The following SLC22A25 variants were observed in gnomAD, a reference collection of about 807,000 sequenced individuals.
The protein encoded by SLC22A25 is solute carrier family 22 member 25, also known as MGI:2442751, MGI:2385316, MGI:3042283, MGI:3645714, MGI:3605624, MGI:2442750.
SLC22A25 carries 44 observed loss-of-function variants against 45.9 expected under a neutral mutation model. The ratio of observed to expected loss-of-function variants is 0.96; its 90% confidence interval spans 0.75 to 1.23. The LOEUF (loss-of-function observed/expected upper bound fraction) is 1.23. SLC22A25 is among the 50% of genes most tolerant of loss of function. The pLI, the probability that SLC22A25 is intolerant of heterozygous loss-of-function variation, is 0.00. For missense variants in SLC22A25, 800 were observed against 666.4 expected (o/e 1.20, Z -2.21); for synonymous variants, 283 against 238.6 (o/e 1.19, Z -1.72).
At position 63,234,333 on chromosome 11, in the gene SLC22A25, C is replaced by T. The variant is rs570774825; in HGVS notation, c.-445+3548G>A. ...AATCTGGGTGCTCCTGTATTGGGCA[C>T]ATATATATTTAGGATAGTTAGCTCT... On this transcript the variant is annotated intron_variant, in intron 3 of 11. Transcript: ENST00000306494. Among the ~76,000 whole-genome samples the T allele has an allele frequency of 2.0e-5, 3 of 152,300 alleles. No homozygotes were observed. The South Asian group carries it at 6.2e-4, about 32-fold the overall frequency.
Position 63,163,332 on chromosome 11 carries a change from T to C in SLC22A25, c.*492A>G, listed in dbSNP as rs2087568627. On this transcript the variant is annotated 3_prime_UTR_variant, in exon 12 of 12. Coordinates refer to ENST00000306494, the MANE Select transcript of SLC22A25 (RefSeq NM_199352.6). ...TTTTCCCCTTTTCCAACGCTTTTTT[T>C]CCCCCGTGAAAATTAGATAGACTGA... Among the ~76,000 whole-genome samples the C allele has an allele frequency of 6.6e-6, 1 of 152,182 alleles. No homozygotes were observed. Among genetic ancestry groups the C allele is most frequent in the East Asian group, 1.9e-4 (1 of 5,192 alleles).
intron 7 of SLC22A25, among the ~76,000 whole-genome samples, chr11:63,187,723 A>G (rs1324778470): frequency 1.3e-5 from 2 of 152,228 alleles, no homozygotes; most frequent in Non-Finnish European, 2.9e-5. Context: ...CCTCTCATCA[A>G]TACCTAATTT....
chr11:63,220,627 T>G (rs1038945763), intron 5 of SLC22A25, among the ~76,000 whole-genome samples: 3 of 152,202 alleles, frequency 2.0e-5, no homozygotes, highest in African/African-American at 7.2e-5. Context: ...ACAATCCAAT[T>G]ATACTCTTTT....
chr11:63,195,032 A>C (rs2134763525), intron 7 of SLC22A25, among the ~76,000 whole-genome samples: 2 of 152,112 alleles, frequency 1.3e-5, no homozygotes, highest in East Asian at 3.9e-4. Flanking sequence ...TAAAGGGATC[A>C]ATGCAACAAG....
rs545073857 is a variant in SLC22A25 at position 63,179,173 on chromosome 11, T to G, written c.1070+1487A>C. ...GTTTCACCATGTTTGGCCAGGCTGGTCTTGAACTCCTGACCTCAGGTGATC... is the reference window on the plus strand; with the variant it reads ...GTTTCACCATGTTTGGCCAGGCTGGGCTTGAACTCCTGACCTCAGGTGATC... On this transcript the variant is annotated intron_variant, in intron 9 of 11. Transcript: ENST00000306494. Among the ~76,000 whole-genome samples, 242 of 152,186 alleles carry G rather than the reference T, an allele frequency of 1.6e-3. 2 individuals are homozygous for G. The highest frequency in any genetic ancestry group is 8.8e-4 in the Non-Finnish European group (60 of 67,988).
intron 8 of SLC22A25, among the ~76,000 whole-genome samples, chr11:63,183,240 G>C (rs2088394355): frequency 1.3e-5 from 2 of 152,100 alleles, no homozygotes; most frequent in Admixed American, 1.3e-4. Flanking sequence ...GAACAGGTAG[G>C]CACTCACTAA....
At chr11:63,172,655 T>C (rs1159864200) in intron 9 of SLC22A25, among the ~76,000 whole-genome samples, 2 of 264 alleles carry the variant, frequency 7.6e-3, no homozygotes, top group Non-Finnish European at 0.024. Flanking sequence ...CAGGATACCT[T>C]TTTTTTTTTT....
chr11:63,182,887 CT>C (rs1385915374), intron 8 of SLC22A25, among the ~76,000 whole-genome samples: 1 of 151,974 alleles, frequency 6.6e-6, no homozygotes, highest in Non-Finnish European at 1.5e-5. Context: ...TTTTTCTTGT[CT>C]TCATTAACAT....
At chr11:63,185,560 T>C (rs2088501602) in intron 7 of SLC22A25, among the ~76,000 whole-genome samples, 1 of 150,572 alleles carries the variant, frequency 6.6e-6, no homozygotes, top group African/African-American at 2.4e-5. Context: ...TTTATTAATA[T>C]ACTTTAAGTT....
intron 2 of SLC22A25, among the ~76,000 whole-genome samples, chr11:63,238,456 C>A (rs545914691): frequency 1.2e-4 from 19 of 152,260 alleles, no homozygotes; most frequent in South Asian, 4.2e-4. Flanking sequence ...CAATTTATAA[C>A]AAAATACATG....
intron 7 of SLC22A25, among the ~76,000 whole-genome samples, chr11:63,200,090 G>T (rs2089191746): frequency 6.6e-6 from 1 of 151,906 alleles, no homozygotes; most frequent in South Asian, 2.1e-4. Flanking sequence ...AGAAGAGCTG[G>T]TACTATTCCT....
At chr11:63,232,087 T>G (rs1484892677) in intron 3 of SLC22A25, among the ~76,000 whole-genome samples, 1 of 152,178 alleles carries the variant, frequency 6.6e-6, no homozygotes, top group East Asian at 1.9e-4. Flanking sequence ...GCTTTGTTCT[T>G]TTGGCTTAGG....
rs780105189 is a variant in SLC22A25 at position 63,158,501 on chromosome 11, T to C, written c.*5323A>G. On this transcript the variant is annotated 3_prime_UTR_variant, in exon 12 of 12. Transcript: ENST00000306494. Reference sequence around the variant, plus strand: ...ATAGTAGATGGATATATTTATGGGGTGTATGAGATGTTCTGATATAGGTAT... The same window carrying C: ...ATAGTAGATGGATATATTTATGGGGCGTATGAGATGTTCTGATATAGGTAT... Among the ~76,000 whole-genome samples the C allele has an allele frequency of 6.6e-6, 1 of 152,204 alleles. No homozygotes were observed. The highest frequency in any genetic ancestry group is 6.5e-5 in the Admixed American group (1 of 15,278).
chr11:63,178,570 T>C (rs183132891), intron 9 of SLC22A25, among the ~76,000 whole-genome samples: 2 of 152,206 alleles, frequency 1.3e-5, no homozygotes, highest in Admixed American at 1.3e-4. Flanking sequence ...ATTAACTGTA[T>C]TGAGCATTTT....
intron 3 of SLC22A25, among the ~76,000 whole-genome samples, chr11:63,233,458 A>G (rs971950017): frequency 2.0e-5 from 3 of 152,022 alleles, no homozygotes; most frequent in Non-Finnish European, 2.9e-5. Context: ...GGTAGTTTCT[A>G]TTTCTGTGGA....
Position 63,161,454 on chromosome 11 carries a change from T to A in SLC22A25, c.*2370A>T, listed in dbSNP as rs919669683. Among the ~76,000 whole-genome samples, 4 of 152,118 alleles carry A rather than the reference T, an allele frequency of 2.6e-5. No individual in the cohort carries two copies. The highest frequency in any genetic ancestry group is 5.9e-5 in the Non-Finnish European group (4 of 68,008). ...GGTTTGACTGTGTCCGCCTACCCAA[T>A]CTCATCTTGAATTGTAGCTCCCACA... On this transcript the variant is annotated 3_prime_UTR_variant, in exon 12 of 12. Coordinates refer to ENST00000306494, the MANE Select transcript of SLC22A25 (RefSeq NM_199352.6).
At chr11:63,169,201 A>G (rs970130452) in intron 9 of SLC22A25, among the ~76,000 whole-genome samples, 5 of 152,226 alleles carry the variant, frequency 3.3e-5, no homozygotes, top group South Asian at 2.1e-4. Context: ...ACTGGTACCA[A>G]CCACTGCAAA....
At chr11:63,182,144 C>G (rs1449104156) in intron 8 of SLC22A25, among the ~76,000 whole-genome samples, 1 of 151,906 alleles carries the variant, frequency 6.6e-6, no homozygotes, top group Middle Eastern at 3.2e-3. Context: ...ATAAAAAAAT[C>G]AAGTTAACAC....
rs941455746 is a variant in SLC22A25, at chr11:63,180,695, G to A, written c.1035C>T (p.Asn345=). The A allele has an allele frequency of 2.5e-6, 4 of 1,612,938 alleles. No homozygotes were observed. The highest frequency in any genetic ancestry group is 3.4e-6 in the Non-Finnish European group (4 of 1,179,454). ...HSLCELLRIP[N]ICKRICFLSF... is the part of the protein sequence containing the mutation. ...ACAGGAAACAGATTCTTTTACATAT[G>A]TTGGGTATGCGGAGCAATTCACAAA... The change falls in exon 9 of 12, where the codon AAC becomes AAT. Residue 345 remains asparagine (N), a synonymous_variant. Transcript: ENST00000306494.
Sources: allele counts gnomAD v4.1 joint callset (sites outside exome capture counted in the v4.1 genomes callset), GRCh38; gene constraint gnomAD v4.1.1; transcripts MANE v1.5; gene names NCBI Gene and HGNC (gene_info 2026-07-23, HGNC 2026-07-21).